The following DPP6 variants were observed in gnomAD, a reference collection of about 807,000 sequenced individuals.
DPP6 encodes A-type potassium channel modulatory protein DPP6.
In DPP6, 69 loss-of-function variants were observed where a neutral mutation model predicts 122.6. The observed-to-expected ratio is 0.56, with a 90% confidence interval of 0.46 to 0.69. The LOEUF is 0.69. DPP6 is among the 30% of genes least tolerant of loss of function. DPP6 has a pLI of 0.00. For missense variants in DPP6, 928 were observed against 1,116.9 expected (o/e 0.83, Z 2.41); for synonymous variants, 418 against 433.1 (o/e 0.97, Z 0.43).
chr7:154,402,199 A>G (rs1471440859), intron 1 of DPP6, among the ~76,000 whole-genome samples: 3 of 151,754 alleles, frequency 2.0e-5, no homozygotes, highest in Non-Finnish European at 4.4e-5. Flanking sequence ...GCGATTCCTC[A>G]GGGATCTAGA....
chr7:153,807,395 C>T, the DPP6 span, among the ~76,000 whole-genome samples: 13 of 150,054 alleles, frequency 8.7e-5, no homozygotes, highest in Non-Finnish European at 1.6e-4. Flanking sequence ...GGCCACAGAG[C>T]GAGACTCCAT....
chr7:154,769,340 C>G lies in DPP6; in HGVS notation c.884-77C>G, dbSNP rs998275832. ...AGGGACTCGTTTCTTTCCTGGCCAC[C>G]TCATGTTCCTGCTGGTGCAGCTCCA... On this transcript the variant is annotated intron_variant, in intron 8 of 25. Transcript: ENST00000377770. 2.5e-6 allele frequency: 4 copies of G among 1,590,624 alleles called. No homozygotes were observed. The African/African-American group carries it at 5.4e-5, about 21-fold the overall frequency.
At position 154,607,243 on chromosome 7, in the gene DPP6, A is replaced by G. The variant is rs1219823968; in HGVS notation, c.628-30578A>G. Among the ~76,000 whole-genome samples the G allele has an allele frequency of 5.0e-5, 6 of 119,878 alleles. 2 individuals are homozygous for G. In the South Asian group the frequency reaches 1.4e-3, roughly 27 times the overall value. The allele number at this position is 119,878 out of a possible 152,430, so 78.6% of individuals were successfully genotyped here. ...AGTAATGCTGGGAGTGTTCCCATGA[A>G]GCAGAGAAAGTTAGGACATTGCAAG... On this transcript the variant is annotated intron_variant, in intron 5 of 25. Coordinates refer to ENST00000377770, the MANE Select transcript of DPP6 (RefSeq NM_130797.4).
At chr7:154,770,984 C>T (rs1048414191) in intron 9 of DPP6, among the ~76,000 whole-genome samples, 3 of 152,220 alleles carry the variant, frequency 2.0e-5, no homozygotes, top group Non-Finnish European at 4.4e-5. Context: ...CCTGCCTGCA[C>T]CCTGCCTGGT....
chr7:154,534,107 A>G (rs1828055221), intron 3 of DPP6, among the ~76,000 whole-genome samples: 1 of 152,188 alleles, frequency 6.6e-6, no homozygotes, highest in Admixed American at 6.5e-5. Context: ...AACATAGCTC[A>G]CTGTATTAAT....
At chr7:154,085,967 C>G (rs1340608144) in intron 1 of DPP6, among the ~76,000 whole-genome samples, 1 of 152,004 alleles carries the variant, frequency 6.6e-6, no homozygotes, top group Non-Finnish European at 1.5e-5. Context: ...ACCTCGTGAT[C>G]TGCCTGCCTT....
rs761992191 is a variant in DPP6 at position 154,807,124 on chromosome 7, C to A, written c.1666+12C>A. 5.8e-5 allele frequency: 94 copies of A among 1,610,920 alleles called. No homozygotes were observed. The highest frequency in any genetic ancestry group is 1.6e-4 in the Middle Eastern group (1 of 6,078). ...GCTCAAGTGCGAAGGTCAGCTCCTG[C>A]CACCCCGTCAGGGCAAAGAGCCCTG... On this transcript the variant is annotated intron_variant, in intron 16 of 25. Transcript: ENST00000377770.
the DPP6 span, among the ~76,000 whole-genome samples, chr7:153,861,129 T>A: frequency 1.2e-4 from 19 of 152,334 alleles, 1 homozygote; most frequent in African/African-American, 4.6e-4. Flanking sequence ...AATTAGAAAC[T>A]TTTGGGTTAA....
chr7:154,316,360 T>C (rs923248553), intron 1 of DPP6, among the ~76,000 whole-genome samples: 1 of 152,196 alleles, frequency 6.6e-6, no homozygotes, highest in Non-Finnish European at 1.5e-5. Context: ...TATTCTCTCA[T>C]TTACCAACTG....
intron 3 of DPP6, among the ~76,000 whole-genome samples, chr7:154,479,347 A>G (rs1395163849): frequency 6.6e-6 from 1 of 151,922 alleles, no homozygotes; most frequent in Non-Finnish European, 1.5e-5. Flanking sequence ...CATTTGAGGT[A>G]AGGAGTTCGA....
rs569889842 is a variant in DPP6 at position 154,193,543 on chromosome 7, G to A, written c.243+140480G>A. 1.5e-4 allele frequency among the ~76,000 whole-genome samples: 23 copies of A among 152,270 alleles called. 1 individual carries two copies. Among genetic ancestry groups the A allele is most frequent in the African/African-American group, 5.3e-4 (22 of 41,572 alleles). ...GGTTGAATGGAGGGGCAGACTGGGA[G>A]GCTGAGTCTCAGGACCGCAGGGCCA... is the stretch of plus-strand genomic sequence containing the variant. On this transcript the variant is annotated intron_variant, in intron 1 of 25. Coordinates refer to ENST00000377770, the MANE Select transcript of DPP6 (RefSeq NM_130797.4).
intron 1 of DPP6, among the ~76,000 whole-genome samples, chr7:153,927,651 A>G (rs756773872): frequency 1.3e-5 from 2 of 152,184 alleles, no homozygotes; most frequent in Non-Finnish European, 2.9e-5. Flanking sequence ...ATACATTTTT[A>G]TTGTGGATGA....
intron 3 of DPP6, among the ~76,000 whole-genome samples, chr7:154,511,394 G>C (rs1826083020): frequency 6.6e-6 from 1 of 152,128 alleles, no homozygotes; most frequent in Non-Finnish European, 1.5e-5. Flanking sequence ...TCTGGCTCTG[G>C]GGGCAAGGTG....
chr7:154,084,865 C>T (rs546463442), intron 1 of DPP6, among the ~76,000 whole-genome samples: 6 of 151,810 alleles, frequency 4.0e-5, no homozygotes, highest in Admixed American at 3.9e-4. Flanking sequence ...TGGTGGGCGC[C>T]TGGAGTCCCA....
chr7:154,580,755 G>C (rs1009941934), intron 5 of DPP6, among the ~76,000 whole-genome samples: 1 of 152,218 alleles, frequency 6.6e-6, no homozygotes, highest in Non-Finnish European at 1.5e-5. Flanking sequence ...GTGAAGAAGA[G>C]AGGAATGGGG....
At chr7:153,865,171 C>A in the DPP6 span, among the ~76,000 whole-genome samples, 1 of 151,850 alleles carries the variant, frequency 6.6e-6, no homozygotes, top group African/African-American at 2.4e-5. Flanking sequence ...ATATACAGGA[C>A]CGAAAGAATA....
intron 6 of DPP6, among the ~76,000 whole-genome samples, chr7:154,638,603 T>C (rs774848123): frequency 3.2e-4 from 49 of 151,826 alleles, no homozygotes; most frequent in Non-Finnish European, 6.2e-4. Context: ...GGAGCGAGTT[T>C]AGTTTTCAGT....
chr7:154,174,497 A>G (rs1285727860), intron 1 of DPP6, among the ~76,000 whole-genome samples: 2 of 152,350 alleles, frequency 1.3e-5, no homozygotes, highest in Non-Finnish European at 2.9e-5. Flanking sequence ...CTTGGAATTG[A>G]TACATACACA....
chr7:154,502,213 C>CT (rs1251327191), intron 3 of DPP6, among the ~76,000 whole-genome samples: 2 of 152,140 alleles, frequency 1.3e-5, no homozygotes, highest in African/African-American at 4.8e-5. Context: ...AGGGACTTGC[C>CT]TTGTCTCATA....
Sources: allele counts gnomAD v4.1 joint callset (sites outside exome capture counted in the v4.1 genomes callset), GRCh38; gene constraint gnomAD v4.1.1; transcripts MANE v1.5; gene names NCBI Gene and HGNC (gene_info 2026-07-23, HGNC 2026-07-21).